The following TLL1 variants were observed in gnomAD, a reference collection of about 807,000 sequenced individuals.
TLL1 encodes tolloid-like protein 1.
A neutral mutation model predicts 128.2 loss-of-function variants in TLL1; 49 were observed. The observed-to-expected ratio is 0.38, with a 90% CI of 0.30 to 0.48. The LOEUF (loss-of-function observed/expected upper bound fraction) is 0.48, where lower values mean the gene tolerates loss of function less well. Ranked by LOEUF, TLL1 falls within the 20% of genes least tolerant of loss-of-function variation. The probability of loss-of-function intolerance (pLI) is 0.96; values close to 1 mark genes in which losing one functional copy is unlikely to be tolerated. For missense variants in TLL1, 1,123 were observed against 1,242.0 expected (o/e 0.90, Z 1.44); for synonymous variants, 454 against 418.8 (o/e 1.08, Z -1.03).
intron 8 of TLL1, among the ~76,000 whole-genome samples, chr4:166,024,255 A>G (rs1439169901): frequency 6.6e-6 from 1 of 152,158 alleles, no homozygotes; most frequent in Non-Finnish European, 1.5e-5. Context: ...TTAGAGCTCT[A>G]TGCTTTGTTT....
chr4:165,903,764 C>CAA (rs928983017), intron 1 of TLL1, among the ~76,000 whole-genome samples: 2 of 145,182 alleles, frequency 1.4e-5, no homozygotes, highest in African/African-American at 5.0e-5. Flanking sequence ...CACACACACA[C>CAA]AAATAATAAT....
chr4:165,918,678 C>A (rs972090846), intron 1 of TLL1, among the ~76,000 whole-genome samples: 1 of 152,074 alleles, frequency 6.6e-6, no homozygotes, highest in Non-Finnish European at 1.5e-5. Context: ...TCTCCTCTTA[C>A]ACGGTGGTTT....
chr4:165,878,913 T>C lies in TLL1; in HGVS notation c.169+4840T>C, dbSNP rs187343167. Among the ~76,000 whole-genome samples, 51 of 139,790 alleles carry C rather than the reference T, an allele frequency of 3.6e-4. No individual in the cohort carries two copies. The East Asian group carries it at 9.5e-3, about 26-fold the overall frequency. The allele number at this position is 139,790 out of a possible 152,430, so 91.7% of individuals were successfully genotyped here. On this transcript the variant is annotated intron_variant, in intron 1 of 20. Coordinates refer to ENST00000061240, the MANE Select transcript of TLL1 (RefSeq NM_012464.5). ...ACAGCTTTCCCTCTTACCCTGATGA[T>C]GGCTTCCTTTTTTTTTTTTTTTTTT...
Position 166,008,066 on chromosome 4 carries a change from T to A in TLL1, c.917+18T>A. ...TTCTCAAGGTTGGAGTCTCAGGTTATACCTTTTGACTTTTAATTCCTTTCC... is the reference window on the plus strand; with the variant it reads ...TTCTCAAGGTTGGAGTCTCAGGTTAAACCTTTTGACTTTTAATTCCTTTCC... On this transcript the variant is annotated intron_variant, in intron 7 of 20. Coordinates refer to ENST00000061240, the MANE Select transcript of TLL1 (RefSeq NM_012464.5). The A allele has an allele frequency of 6.3e-7, 1 of 1,587,876 alleles. No individual in the cohort carries two copies. Among genetic ancestry groups the A allele is most frequent in the Non-Finnish European group, 8.6e-7 (1 of 1,157,368 alleles).
Position 166,077,941 on chromosome 4 carries a change from A to G in TLL1, c.2353A>G (p.Ile785Val). The G allele has an allele frequency of 6.2e-7, 1 of 1,613,662 alleles. No homozygotes were observed. Among genetic ancestry groups the G allele is most frequent in the African/African-American group, 1.3e-5 (1 of 75,022 alleles). Reference sequence around the variant, plus strand: ...GAAGATCCACAGTCCAAGTGGCCTCATCACCAGTCCCAACTGGCCAGACAA... The same window carrying G: ...GAAGATCCACAGTCCAAGTGGCCTCGTCACCAGTCCCAACTGGCCAGACAA... ...EQKIHSPSGL[I>V]TSPNWPDKYP... is the part of the protein sequence containing the mutation. The change falls in exon 18 of 21, where the codon ATC (isoleucine) becomes GTC (valine). Residue 785 changes from isoleucine to valine, a missense_variant. By Grantham distance (29) the Ile-to-Val change is conservative (BLOSUM62 3). Transcript: ENST00000061240.
intron 9 of TLL1, among the ~76,000 whole-genome samples, chr4:166,038,338 T>C (rs1739092558): frequency 6.6e-6 from 1 of 152,134 alleles, no homozygotes; most frequent in Admixed American, 6.5e-5. Flanking sequence ...CTACAAACTA[T>C]AGTTTTGTAG....
intron 19 of TLL1, among the ~76,000 whole-genome samples, chr4:166,093,402 A>G (rs1304323176): frequency 6.6e-6 from 1 of 152,176 alleles, no homozygotes; most frequent in Admixed American, 6.5e-5. Flanking sequence ...GGCCAGATTT[A>G]TGTTTCTCTC....
At chr4:165,938,081 G>A (rs1733846947) in intron 1 of TLL1, among the ~76,000 whole-genome samples, 1 of 151,730 alleles carries the variant, frequency 6.6e-6, no homozygotes, top group South Asian at 2.1e-4. Context: ...TACACCATGT[G>A]CTCTTTGGAT....
intron 15 of TLL1, among the ~76,000 whole-genome samples, chr4:166,062,031 T>C (rs1157139293): frequency 6.6e-6 from 1 of 152,100 alleles, no homozygotes; most frequent in Non-Finnish European, 1.5e-5. Flanking sequence ...TGGTTGTAGA[T>C]GTGTGGTATT....
chr4:166,028,427 A>C (rs889234748), intron 9 of TLL1, among the ~76,000 whole-genome samples: 3 of 152,016 alleles, frequency 2.0e-5, no homozygotes, highest in Non-Finnish European at 2.9e-5. Context: ...CAATAGCTTC[A>C]GGCTGATATG....
chr4:166,042,621 C>G (rs1409651091), intron 11 of TLL1, among the ~76,000 whole-genome samples: 1 of 152,152 alleles, frequency 6.6e-6, no homozygotes, highest in Non-Finnish European at 1.5e-5. Flanking sequence ...TTTTATGCTT[C>G]TCTAAAACAA....
At chr4:166,032,205 T>C (rs1215646717) in intron 9 of TLL1, among the ~76,000 whole-genome samples, 1 of 152,076 alleles carries the variant, frequency 6.6e-6, no homozygotes, top group East Asian at 1.9e-4. Context: ...AACTTTACTG[T>C]GGGACTAAAA....
intron 9 of TLL1, among the ~76,000 whole-genome samples, chr4:166,033,052 C>T (rs12641999): frequency 0.12 from 17,840 of 152,000 alleles, 1,154 homozygotes; most frequent in East Asian, 0.26. Context: ...CATATTTCAC[C>T]TGTAATATTG....
At chr4:165,876,570 T>C (rs547892640) in intron 1 of TLL1, among the ~76,000 whole-genome samples, 43 of 152,338 alleles carry the variant, frequency 2.8e-4, no homozygotes, top group Middle Eastern at 3.4e-3. Context: ...ATGACAATCA[T>C]GGCTTCGTGG....
At chr4:166,089,962 G>T (rs1048372902) in intron 18 of TLL1, among the ~76,000 whole-genome samples, 5 of 151,978 alleles carry the variant, frequency 3.3e-5, no homozygotes, top group East Asian at 1.9e-4. Flanking sequence ...GATGTAGTGT[G>T]GTATGGAATA....
chr4:165,989,525 T>G (rs765786878), intron 2 of TLL1, 34 bp downstream of exon 2: 1 of 1,517,532 alleles, frequency 6.6e-7, no homozygotes, highest in Non-Finnish European at 9.1e-7. Flanking sequence ...TTTGTCTTTA[T>G]TTTGGAGAAA....
intron 6 of TLL1, among the ~76,000 whole-genome samples, chr4:166,007,637 C>T (rs779103934): frequency 6.6e-6 from 1 of 151,524 alleles, no homozygotes; most frequent in Admixed American, 6.6e-5. Flanking sequence ...ACCAAAAGTG[C>T]AGTAAGATTT....
At chr4:165,880,788 A>G (rs1730936728) in intron 1 of TLL1, among the ~76,000 whole-genome samples, 1 of 152,188 alleles carries the variant, frequency 6.6e-6, no homozygotes, top group Non-Finnish European at 1.5e-5. Flanking sequence ...AAAGGGTGAA[A>G]TAGTTCCCTC....
Position 166,091,168 on chromosome 4 carries a change from C to T in TLL1, c.2483C>T (p.Ala828Val), listed in dbSNP as rs1465467925. ...EFEIEQHQEC[A>V]YDHLEVFDGE... The stretch of plus-strand genomic sequence containing the variant: ...GAGATTGAGCAGCATCAAGAATGTG[C>T]TTATGACCACTTAGAAGTATTTGAT... The change falls in exon 19 of 21, where the codon GCT becomes GTT. Residue 828 changes from alanine (A) to valine (V), a missense_variant. Ala to Val is a moderately conservative substitution (Grantham distance 64). Coordinates refer to ENST00000061240, the MANE Select transcript of TLL1 (RefSeq NM_012464.5). 6.2e-7 allele frequency: 1 copy of T among 1,613,062 alleles called. No individual in the cohort carries two copies. Among genetic ancestry groups the T allele is most frequent in the African/African-American group, 1.3e-5 (1 of 74,952 alleles).
Sources: allele counts gnomAD v4.1 joint callset (sites outside exome capture counted in the v4.1 genomes callset), GRCh38; gene constraint gnomAD v4.1.1; transcripts MANE v1.5; gene names NCBI Gene and HGNC (gene_info 2026-07-23, HGNC 2026-07-21).